Variants in SAP130 observed in about 807,000 individuals in gnomAD.
The protein encoded by SAP130 is Sin3A associated protein 130, also known as histone deacetylase complex subunit SAP130.
SAP130 carries 16 observed loss-of-function variants against 103.2 expected under a neutral mutation model. The observed-to-expected ratio is 0.16, with a 90% CI of 0.10 to 0.24. The LOEUF (loss-of-function observed/expected upper bound fraction) is 0.24. Among genes scored for constraint, SAP130 ranks in the 10% least tolerant of loss-of-function variants. The probability of loss-of-function intolerance (pLI) is 1.00; values close to 1 mark genes in which losing one functional copy is unlikely to be tolerated. For synonymous variants in SAP130, 477 were observed against 497.0 expected (o/e 0.96, Z 0.53); for missense variants, 990 against 1,359.7 (o/e 0.73, Z 4.28).
intron 1 of SAP130, chr2:128,027,331 T>G: frequency 4.4e-6 from 3 of 681,216 alleles, no homozygotes; most frequent in Non-Finnish European, 5.7e-6. Flanking sequence ...CGCCCGCCCA[T>G]TGGCCCCACG....
Position 127,955,748 on chromosome 2 carries a change from A to C in SAP130, c.2064-404T>G, listed in dbSNP as rs944369857. Reference sequence around the variant, plus strand: ...AGTGATCCGCCTGCCTCGGCCTCCCAAAGTGATGGGATTACAGGTGTGAGC... The same window carrying C: ...AGTGATCCGCCTGCCTCGGCCTCCCCAAGTGATGGGATTACAGGTGTGAGC... On this transcript the variant is annotated intron_variant, in intron 15 of 20. Transcript: ENST00000643581. This position sits in a 1 kb window ranked among gnomAD's most constrained non-coding sequence, Gnocchi z 4.9. Among the ~76,000 whole-genome samples the C allele has an allele frequency of 2.0e-5, 3 of 152,184 alleles. No homozygotes were observed. The highest frequency in any genetic ancestry group is 3.2e-3 in the Middle Eastern group (1 of 316).
intron 15 of SAP130, among the ~76,000 whole-genome samples, chr2:127,971,752 T>C (rs1681108857): frequency 6.6e-6 from 1 of 152,230 alleles, no homozygotes; most frequent in Admixed American, 6.5e-5. Flanking sequence ...TATTTGAACT[T>C]TGTGTTTTTC....
At position 127,944,165 on chromosome 2, in the gene SAP130, G is replaced by A. The variant is rs572512454; in HGVS notation, c.2901+1291C>T. The stretch of plus-strand genomic sequence containing the variant: ...TCCCACCTCAGCTTCCCAGGTAGCT[G>A]GGACTAGGGGGTGTGCACCACTACA... On this transcript the variant is annotated intron_variant, in intron 19 of 20. Coordinates refer to ENST00000643581, the MANE Select transcript of SAP130 (RefSeq NM_001330301.2). Among the ~76,000 whole-genome samples the A allele has an allele frequency of 6.6e-5, 10 of 152,118 alleles. No individual in the cohort carries two copies. In the South Asian group the frequency reaches 1.9e-3, roughly 28 times the overall value.
intron 16 of SAP130, among the ~76,000 whole-genome samples, chr2:127,951,269 T>C (rs1679478525): frequency 6.6e-6 from 1 of 152,170 alleles, no homozygotes; most frequent in Non-Finnish European, 1.5e-5. Context: ...GAATCATACA[T>C]CTAGGAATTT....
At chr2:128,001,887 G>A (rs2105098856) in intron 7 of SAP130, among the ~76,000 whole-genome samples, 1 of 151,848 alleles carries the variant, frequency 6.6e-6, no homozygotes, top group East Asian at 1.9e-4. Flanking sequence ...AATTTCATCT[G>A]TAAATACCAA....
At chr2:127,993,407 TCAAA>T in intron 11 of SAP130, 99 bp from the exon 12 acceptor site, 5 of 1,287,276 alleles carry the variant, frequency 3.9e-6, no homozygotes, top group Non-Finnish European at 5.2e-6. Flanking sequence ...TTCAGAACTG[TCAAA>T]CAAGCTTTGC....
In SAP130 at chr2:128,000,164, C is replaced by T; in HGVS notation, c.1018-18G>A. On this transcript the variant is annotated intron_variant, in intron 8 of 20. Transcript: ENST00000643581. ...ATTGTTTTCTGTGAGGGAAACCCCA[C>T]AACACAGTTATAAGAACATTATCCA... 4 of 1,613,328 alleles carry T rather than the reference C, an allele frequency of 2.5e-6. No individual in the cohort carries two copies. The highest frequency in any genetic ancestry group is 3.4e-6 in the Non-Finnish European group (4 of 1,179,244).
intron 7 of SAP130, among the ~76,000 whole-genome samples, chr2:128,007,090 T>C (rs1232722285): frequency 2.0e-5 from 3 of 152,178 alleles, no homozygotes; most frequent in African/African-American, 7.2e-5. Flanking sequence ...AAAAGATACT[T>C]TGACAAAACG....
At chr2:127,945,412 C>A (rs148539047) in intron 19 of SAP130, 44 bp downstream of exon 19, 1 of 1,174,418 alleles carries the variant, frequency 8.5e-7, no homozygotes, top group Non-Finnish European at 1.3e-6. Context: ...GCAGTGTCTT[C>A]TCCTCTCTTC....
intron 15 of SAP130, among the ~76,000 whole-genome samples, chr2:127,963,008 A>T (rs952047281): frequency 4.9e-4 from 24 of 49,216 alleles, no homozygotes; most frequent in Admixed American, 2.4e-3. Context: ...TAAATGTCTG[A>T]AAAAAAAAAG....
chr2:127,981,108 T>C (rs1681836864), intron 14 of SAP130, among the ~76,000 whole-genome samples: 1 of 151,856 alleles, frequency 6.6e-6, no homozygotes, highest in African/African-American at 2.4e-5. Context: ...TACAGTCCCT[T>C]GCACTCTCCT....
chr2:128,011,369 A>G (rs1220209955), intron 6 of SAP130, among the ~76,000 whole-genome samples: 4 of 152,184 alleles, frequency 2.6e-5, no homozygotes, highest in Non-Finnish European at 4.4e-5. Context: ...ACCCACCATT[A>G]TTCTTCGAAT....
intron 14 of SAP130, among the ~76,000 whole-genome samples, chr2:127,979,872 A>C (rs1031219244): frequency 2.0e-5 from 3 of 149,364 alleles, no homozygotes; most frequent in African/African-American, 7.4e-5. Flanking sequence ...TATGTTCAAA[A>C]TTTTTTTCTT....
At chr2:127,956,358 G>C (rs1175122728) in intron 15 of SAP130, among the ~76,000 whole-genome samples, 1 of 152,120 alleles carries the variant, frequency 6.6e-6, no homozygotes. Flanking sequence ...CCTGAGTTCT[G>C]TGTGCTGTTC....
At chr2:128,026,953 C>T (rs1324925882) in intron 1 of SAP130, 1 of 767,796 alleles carries the variant, frequency 1.3e-6, no homozygotes, top group Non-Finnish European at 1.8e-6. Flanking sequence ...CGCAACCCCA[C>T]CCCACCGCGA....
At chr2:127,983,516 C>A (rs1034882580) in intron 14 of SAP130, among the ~76,000 whole-genome samples, 2 of 152,118 alleles carry the variant, frequency 1.3e-5, no homozygotes, top group Non-Finnish European at 2.9e-5. Flanking sequence ...GAGGCAGGGA[C>A]CACTTTAGAC....
intron 18 of SAP130, 104 bp downstream of exon 18, chr2:127,949,765 G>GT (rs1286016202): frequency 4.8e-6 from 6 of 1,250,188 alleles, no homozygotes; most frequent in African/African-American, 1.5e-5. Context: ...AAAACTTATG[G>GT]TTTTTTTGAA....
Position 127,999,783 on chromosome 2 carries a change from A to C in SAP130, c.1171T>G (p.Ser391Ala), listed in dbSNP as rs764991916. 2.0e-6 allele frequency: 3 copies of C among 1,532,778 alleles called. No individual in the cohort carries two copies. In the African/African-American group the frequency reaches 4.2e-5, roughly 21 times the overall value. The allele number at this position is 1,532,778 out of a possible 1,614,324, so 94.9% of individuals were successfully genotyped here. Residue 391 changes from serine (S) to alanine (A), a missense_variant, in exon 10 of 21, where the codon TCC becomes GCC. Around this residue, in one of 6 missense-constraint regions of SAP130, gnomAD observed 336 missense variants for 520.1 expected, o/e 0.65. Transcript: ENST00000643581. ...GTGGTCACAGCAGTAGCATGGGAGG[A>C]ATGGGAGGGTACTGTCATGGTAACA... is the stretch of plus-strand genomic sequence containing the variant. ...TIVTMTVPSHSSHATAVTTSN... is the reference protein window; with the variant it reads ...TIVTMTVPSHASHATAVTTSN...
Position 127,993,199 on chromosome 2 carries a change from G to A in SAP130, c.1465C>T (p.Arg489Ter). ...TPITSSVSTI[R>*]QYPVSAQAPN... ...GCAGGGCTCATACCTGGATACTGTC[G>A]GATAGTGGACACGGAACTGGTGATT... is the stretch of plus-strand genomic sequence containing the variant. Residue 489 changes from arginine (R) to a stop codon, truncating the protein, a stop_gained, in exon 12 of 21, where the codon CGA (arginine) becomes TGA (stop). Coordinates refer to ENST00000643581, the MANE Select transcript of SAP130 (RefSeq NM_001330301.2). LOFTEE classifies it high-confidence loss of function. The A allele has an allele frequency of 6.2e-7, 1 of 1,613,910 alleles. No individual in the cohort carries two copies. The highest frequency in any genetic ancestry group is 8.5e-7 in the Non-Finnish European group (1 of 1,179,948).
Sources: allele counts gnomAD v4.1 joint callset (sites outside exome capture counted in the v4.1 genomes callset), GRCh38; gene constraint gnomAD v4.1.1; regional missense constraint gnomAD v4.1.1; non-coding constraint Gnocchi (gnomAD v3.1); transcripts MANE v1.5; gene names NCBI Gene and HGNC (gene_info 2026-07-23, HGNC 2026-07-21).